Variants in PAICS observed in about 807,000 individuals in gnomAD.
PAICS encodes phosphoribosylaminoimidazole carboxylase and phosphoribosylaminoimidazolesuccinocarboxamide synthase.
A neutral mutation model predicts 53.7 loss-of-function variants in PAICS; 33 were observed. The ratio of observed to expected loss-of-function variants is 0.61; its 90% CI spans 0.47 to 0.82. The LOEUF is 0.82. Among genes scored for constraint, PAICS ranks in the 40% least tolerant of loss-of-function variants. The probability of loss-of-function intolerance (pLI) is 0.00; values close to 1 mark genes in which losing one functional copy is unlikely to be tolerated. For synonymous variants in PAICS, 141 were observed against 167.2 expected (o/e 0.84, Z 1.21); for missense variants, 394 against 494.1 (o/e 0.80, Z 1.92).
intron 2 of PAICS, among the ~76,000 whole-genome samples, chr4:56,442,222 T>G (rs1285850220): frequency 6.6e-6 from 1 of 152,152 alleles, no homozygotes; most frequent in African/African-American, 2.4e-5. Context: ...TCCCTGTAAT[T>G]CTATACAAAT....
chr4:56,417,191 C>T, the PAICS span, among the ~76,000 whole-genome samples: 2 of 151,778 alleles, frequency 1.3e-5, no homozygotes, highest in Non-Finnish European at 2.9e-5. Context: ...AACCTTACTT[C>T]TAACTTACAT....
At chr4:56,419,620 C>T in the PAICS span, 1 of 962,734 alleles carries the variant, frequency 1.0e-6, no homozygotes. Context: ...GCAGGTATCT[C>T]TACGTCAGTA....
At chr4:56,434,830 T>C (rs963422662), upstream of PAICS, among the ~76,000 whole-genome samples, 1 of 152,238 alleles carries the variant, frequency 6.6e-6, no homozygotes, top group Non-Finnish European at 1.5e-5. Flanking sequence ...CAAGTTCCCA[T>C]AGCGATAACT....
chr4:56,417,476 T>C, the PAICS span, among the ~76,000 whole-genome samples: 9 of 152,100 alleles, frequency 5.9e-5, no homozygotes, highest in African/African-American at 1.4e-4. Context: ...GAACCATTAA[T>C]TGTAATATTT....
chr4:56,439,509 T>A (rs986919080), intron 1 of PAICS, among the ~76,000 whole-genome samples: 1 of 152,166 alleles, frequency 6.6e-6, no homozygotes, highest in African/African-American at 2.4e-5. Flanking sequence ...AGTGCTGGGA[T>A]TACAGGCATG....
the PAICS span, among the ~76,000 whole-genome samples, chr4:56,414,650 G>A: frequency 1.3e-5 from 2 of 152,186 alleles, no homozygotes; most frequent in African/African-American, 2.4e-5. Flanking sequence ...GTTGGAGAGA[G>A]AGCTTTTCTG....
In PAICS at chr4:56,448,583, C is replaced by G. The variant is rs751073813; in HGVS notation, c.559C>G (p.Leu187Val). The G allele has an allele frequency of 1.9e-6, 3 of 1,600,036 alleles. No homozygotes were observed. Among genetic ancestry groups the G allele is most frequent in the Non-Finnish European group, 2.6e-6 (3 of 1,170,694 alleles). Residue 187 changes from leucine to valine, a missense_variant, in exon 4 of 9, where the codon CTG becomes GTG. This residue lies in a region of PAICS where 131 missense variants were observed against 205.5 expected (regional missense o/e 0.64). Coordinates refer to ENST00000512576, the MANE Select transcript of PAICS (RefSeq NM_001079524.2). The stretch of plus-strand genomic sequence containing the variant: ...ATCCTGGTTGCCCCAGAATTGTACA[C>G]TGGTTGATATGAAGGTACAGATAAA... The part of the protein sequence containing the change: ...EKSWLPQNCT[L>V]VDMKIEFGVD...
At chr4:56,433,530 A>C (rs12511049), upstream of PAICS, among the ~76,000 whole-genome samples, 11,161 of 151,498 alleles carry the variant, frequency 0.074, 598 homozygotes, top group East Asian at 0.25. Flanking sequence ...CTTCAGGCAC[A>C]CATTTAAAGG....
At chr4:56,419,770 G>A in the PAICS span, 2 of 985,000 alleles carry the variant, frequency 2.0e-6, no homozygotes, top group East Asian at 1.1e-4. Flanking sequence ...GGAACAGTGA[G>A]AAATAAGAGG....
At chr4:56,450,973 A>C (rs1411881763) in intron 6 of PAICS, 1 of 256,114 alleles carries the variant, frequency 3.9e-6, no homozygotes, top group Non-Finnish European at 7.5e-6. Context: ...GCTGGCCACC[A>C]CGCCCAGCTA....
intron 7 of PAICS, among the ~76,000 whole-genome samples, chr4:56,453,173 T>C (rs557644315): frequency 3.9e-5 from 6 of 152,344 alleles, no homozygotes; most frequent in African/African-American, 1.4e-4. Context: ...CAACTCTTGT[T>C]TGAAGACGTG....
rs561868091 is a variant in PAICS, at chr4:56,464,203, T to C, written c.*4665T>C. The C allele has an allele frequency of 7.2e-5, 11 of 152,316 alleles. No homozygotes were observed. In the South Asian group the frequency reaches 2.3e-3, roughly 32 times the overall value. 9.4% of individuals were successfully genotyped at this position (152,316 alleles called of 1,614,324 possible). ...TTCTCATAATCTGTACATATCCTATTGGTTCTGTATTTTTTAGAGAACAAA... is the reference window on the plus strand; with the variant it reads ...TTCTCATAATCTGTACATATCCTATCGGTTCTGTATTTTTTAGAGAACAAA... On this transcript the variant is annotated 3_prime_UTR_variant, in exon 9 of 9. Coordinates refer to ENST00000512576, the MANE Select transcript of PAICS (RefSeq NM_001079524.2).
chr4:56,437,140 TTAAG>T (rs1718041090), intron 1 of PAICS, among the ~76,000 whole-genome samples: 3 of 149,732 alleles, frequency 2.0e-5, no homozygotes, highest in African/African-American at 4.9e-5. Flanking sequence ...GTGTGCGTGT[TTAAG>T]TAGTCTTTGA....
At chr4:56,449,289 G>T (rs983557174) in intron 5 of PAICS, among the ~76,000 whole-genome samples, 1 of 152,162 alleles carries the variant, frequency 6.6e-6, no homozygotes, top group African/African-American at 2.4e-5. Flanking sequence ...CTGATCATTA[G>T]AGAAATGCAA....
intron 2 of PAICS, chr4:56,446,222 T>C: frequency 1.7e-6 from 1 of 585,358 alleles, no homozygotes; most frequent in Non-Finnish European, 3.1e-6. Flanking sequence ...TGTTGTACAT[T>C]CATCCCATTA....
chr4:56,438,403 A>ATATATATATATATATAT (rs71194108), intron 1 of PAICS, among the ~76,000 whole-genome samples: 5 of 114,450 alleles, frequency 4.4e-5, no homozygotes, highest in African/African-American at 7.3e-5. Context: ...ATATATATAT[A>ATATATATATATATATAT]AAAGGTTTTT....
chr4:56,429,912 A>T, the PAICS span, among the ~76,000 whole-genome samples: 6 of 152,088 alleles, frequency 3.9e-5, no homozygotes, highest in South Asian at 1.2e-3. Context: ...CCATGACTTT[A>T]CTCACAACAG....
chr4:56,450,784 G>C, intron 6 of PAICS, 82 bp downstream of exon 6: 1 of 735,638 alleles, frequency 1.4e-6, no homozygotes, highest in South Asian at 1.6e-5. Context: ...AAAAATGGGA[G>C]AGTATAGTGC....
In PAICS at chr4:56,442,986, A is replaced by G. The variant is rs572291878; in HGVS notation, c.214+1126A>G. ...TGTCATCTACATCATAAATTCCTCTATGCTGTGAAAGTGAGTGTATTGCTG... is the reference window on the plus strand; with the variant it reads ...TGTCATCTACATCATAAATTCCTCTGTGCTGTGAAAGTGAGTGTATTGCTG... On this transcript the variant is annotated intron_variant, in intron 2 of 8. Transcript: ENST00000512576. Among the ~76,000 whole-genome samples, 267 of 152,240 alleles carry G rather than the reference A, an allele frequency of 1.8e-3. 1 individual carries two copies. The highest frequency in any genetic ancestry group is 3.2e-4 in the Non-Finnish European group (22 of 68,010).
Sources: allele counts gnomAD v4.1 joint callset (sites outside exome capture counted in the v4.1 genomes callset), GRCh38; gene constraint gnomAD v4.1.1; regional missense constraint gnomAD v4.1.1; transcripts MANE v1.5; gene names NCBI Gene and HGNC (gene_info 2026-07-23, HGNC 2026-07-21).